The following C7 variants were observed in gnomAD, a reference collection of about 807,000 sequenced individuals.
The protein encoded by C7 is complement C7.
C7 carries 83 observed loss-of-function variants against 104.8 expected under a neutral mutation model. The observed-to-expected ratio is 0.79, with a 90% CI of 0.66 to 0.95. The LOEUF (loss-of-function observed/expected upper bound fraction) is 0.95. Ranked by LOEUF, C7 falls within the 40% of genes least tolerant of loss-of-function variation. The pLI, the probability that C7 is intolerant of heterozygous loss-of-function variation, is 0.00. For synonymous variants in C7, 415 were observed against 360.6 expected (o/e 1.15, Z -1.71); for missense variants, 1,070 against 1,011.2 (o/e 1.06, Z -0.79).
rs80098284 is a variant in C7, at chr5:40,926,529, A to C, written c.7-2051A>C. ...ATATGTAGAAAACCCTACAGACTCC[A>C]CCAGAAAACTGTTAGAACTAATAAA... On this transcript the variant is annotated intron_variant, in intron 1 of 17. Coordinates refer to ENST00000313164, the MANE Select transcript of C7 (RefSeq NM_000587.4). Among the ~76,000 whole-genome samples the C allele has an allele frequency of 1.1e-3, 171 of 152,334 alleles. 2 individuals are homozygous for C. The East Asian group carries it at 0.029, about 26-fold the overall frequency.
intron 15 of C7, 102 bp downstream of exon 15, chr5:40,972,696 C>G (rs1740727218): frequency 1.1e-6 from 1 of 889,194 alleles, no homozygotes; most frequent in South Asian, 2.1e-5. Flanking sequence ...GTGAGTCATT[C>G]CCTCCATTCT....
At chr5:40,914,811 A>G (rs1394868620) in intron 1 of C7, among the ~76,000 whole-genome samples, 1 of 152,206 alleles carries the variant, frequency 6.6e-6, no homozygotes, top group Non-Finnish European at 1.5e-5. Flanking sequence ...CCCTATGCAC[A>G]TTTGAGAAAA....
intron 1 of C7, among the ~76,000 whole-genome samples, chr5:40,920,091 T>C (rs1311578987): frequency 6.6e-6 from 1 of 151,994 alleles, no homozygotes. Flanking sequence ...ACTAGATTAA[T>C]TTAAAAAAAA....
At chr5:40,974,821 C>A (rs1173690572) in intron 15 of C7, among the ~76,000 whole-genome samples, 2 of 152,180 alleles carry the variant, frequency 1.3e-5, no homozygotes, top group African/African-American at 2.4e-5. Flanking sequence ...ATGGCTTGAT[C>A]ATTGACCTTA....
Position 40,934,438 on chromosome 5 carries a change from AT to A in C7, c.253del (p.Cys85ValfsTer53), listed in dbSNP as rs769923441. The A allele has an allele frequency of 1.4e-5, 23 of 1,613,616 alleles. No homozygotes were observed. The highest frequency in any genetic ancestry group is 5.0e-5 in the Admixed American group (3 of 59,972). On this transcript the variant is annotated frameshift_variant, in exon 4 of 18. Coordinates refer to ENST00000313164, the MANE Select transcript of C7 (RefSeq NM_000587.4). LOFTEE classifies it high-confidence loss of function. ...PTRGCPTEEG[C>X]GERFRCFSGQ... The stretch of plus-strand genomic sequence containing the variant: ...CAAGAGGATGTCCAACAGAGGAGGG[AT>A]GTGGAGAGCGTTTCAGGTGCTTTTC...
At chr5:40,942,630 A>C (rs1467923499) in intron 6 of C7, among the ~76,000 whole-genome samples, 1 of 152,080 alleles carries the variant, frequency 6.6e-6, no homozygotes, top group Non-Finnish European at 1.5e-5. Flanking sequence ...AAAAATAGGT[A>C]CTGTAGAGAA....
At chr5:40,923,324 G>T (rs1739480801) in intron 1 of C7, among the ~76,000 whole-genome samples, 2 of 152,192 alleles carry the variant, frequency 1.3e-5, no homozygotes, top group Admixed American at 1.3e-4. Context: ...ATTGCCTTGT[G>T]GTTCTGCAGG....
At chr5:40,944,070 A>C (rs1739998160) in intron 6 of C7, among the ~76,000 whole-genome samples, 1 of 152,036 alleles carries the variant, frequency 6.6e-6, no homozygotes, top group African/African-American at 2.4e-5. Flanking sequence ...TAATATTGTC[A>C]TTTTCTTTCC....
At position 40,958,144 on chromosome 5, in the gene C7, C is replaced by A; in HGVS notation, c.1372C>A (p.Arg458=). 6.2e-7 allele frequency: 1 copy of A among 1,613,776 alleles called. No homozygotes were observed. The highest frequency in any genetic ancestry group is 8.5e-7 in the Non-Finnish European group (1 of 1,179,750). The change falls in exon 11 of 18, where the codon CGG becomes AGG. Residue 458 remains arginine (R), a synonymous_variant. Coordinates refer to ENST00000313164, the MANE Select transcript of C7 (RefSeq NM_000587.4). ...GGATGAATTTGACCCCTGTCATTGC[C>A]GGCCTTGTCAAAATGGTGGTTTGGC... ...YLDEFDPCHC[R]PCQNGGLATV...
In C7 at chr5:40,934,382, A is replaced by G. The variant is rs771002009; in HGVS notation, c.196A>G (p.Asn66Asp). 3.0e-5 allele frequency: 49 copies of G among 1,613,654 alleles called. No homozygotes were observed. The East Asian group carries it at 1.0e-3, about 34-fold the overall frequency. Residue 66 changes from asparagine to aspartate, a missense_variant, in exon 4 of 18, where the codon AAT (asparagine) becomes GAT (aspartate). Physicochemically the swap from Asn to Asp is conservative, Grantham distance 23. Coordinates refer to ENST00000313164, the MANE Select transcript of C7 (RefSeq NM_000587.4). ...GQYGGQPCVG[N>D]AFETQSCEPT... Reference sequence around the variant, plus strand: ...GTATGGAGGCCAGCCTTGTGTTGGAAATGCTTTTGAAACACAGTCCTGTGA... The same window carrying G: ...GTATGGAGGCCAGCCTTGTGTTGGAGATGCTTTTGAAACACAGTCCTGTGA...
At chr5:40,969,322 AT>A (rs771082176) in intron 14 of C7, among the ~76,000 whole-genome samples, 31 of 152,160 alleles carry the variant, frequency 2.0e-4, no homozygotes, top group Non-Finnish European at 4.1e-4. Flanking sequence ...ATTTAAAAAA[AT>A]ATATTAATTT....
Position 40,959,639 on chromosome 5 carries a change from C to T in C7, c.1661+19C>T. On this transcript the variant is annotated intron_variant, in intron 12 of 17. Transcript: ENST00000313164. ...ACTTGAGGTAATGGAGACCCGACCC[C>T]CTGGCAGTTGCATAGAACACAGTAC... 2 of 1,555,650 alleles carry T rather than the reference C, an allele frequency of 1.3e-6. No homozygotes were observed. The highest frequency in any genetic ancestry group is 1.9e-5 in the Admixed American group (1 of 53,080).
chr5:40,954,897 A>AAAG (rs1740255116), intron 9 of C7: 1 of 291,924 alleles, frequency 3.4e-6, no homozygotes, highest in Non-Finnish European at 6.6e-6. Context: ...AAAAAAAAAA[A>AAAG]AAAAAAAAGA....
rs113085772 is a variant in C7 at position 40,974,577 on chromosome 5, G to A, written c.2074+1983G>A. On this transcript the variant is annotated intron_variant, in intron 15 of 17. Transcript: ENST00000313164. ...ACTACAGGTGCTCGCCACCATGCCC[G>A]GCTAATTTTTTTTTGTATTTTTAGC... is the stretch of plus-strand genomic sequence containing the variant. Among the ~76,000 whole-genome samples the A allele has an allele frequency of 4.9e-3, 746 of 151,964 alleles. 8 individuals are homozygous for A. The highest frequency in any genetic ancestry group is 0.017 in the African/African-American group (717 of 41,450).
chr5:40,957,279 C>T (rs1317992637), intron 10 of C7, among the ~76,000 whole-genome samples: 2 of 152,154 alleles, frequency 1.3e-5, no homozygotes, highest in African/African-American at 2.4e-5. Context: ...GGTTGCTTTT[C>T]TTCTGAAATA....
chr5:40,960,769 G>T (rs1419713866), intron 12 of C7, among the ~76,000 whole-genome samples: 1 of 152,174 alleles, frequency 6.6e-6, no homozygotes, highest in African/African-American at 2.4e-5. Flanking sequence ...CACACTCCCA[G>T]GCTATTTGTA....
At chr5:40,974,620 A>T (rs1202226235) in intron 15 of C7, among the ~76,000 whole-genome samples, 5 of 151,964 alleles carry the variant, frequency 3.3e-5, no homozygotes, top group Non-Finnish European at 7.4e-5. Flanking sequence ...GGGTTTCACC[A>T]TGTTAGTCAG....
chr5:40,963,243 A>G (rs1274727569), intron 13 of C7, among the ~76,000 whole-genome samples: 8 of 152,174 alleles, frequency 5.3e-5, no homozygotes, highest in Non-Finnish European at 1.2e-4. Flanking sequence ...AAAACTAGAG[A>G]TGGCTCTTTC....
chr5:40,939,999 AGGGAAGTGAAGT>A (rs1739900859), intron 6 of C7, among the ~76,000 whole-genome samples: 1 of 152,172 alleles, frequency 6.6e-6, no homozygotes, highest in Non-Finnish European at 1.5e-5. Context: ...GAGCAGTCTG[AGGGAAGTGAAGT>A]GGAAGCCACA....
Sources: gnomAD v4.1 joint callset for allele counts (sites outside exome capture counted in the v4.1 genomes callset) on GRCh38, gnomAD v4.1.1 for gene constraint, MANE v1.5 for transcripts, NCBI Gene and HGNC (gene_info 2026-07-23, HGNC 2026-07-21) for gene names.